GSTCD: variants seen among roughly 807,000 people sequenced by gnomAD.
The protein encoded by GSTCD is glutathione S-transferase C-terminal domain-containing protein.
In GSTCD, 44 loss-of-function variants were observed where a neutral mutation model predicts 68.3. The observed-to-expected ratio is 0.64, with a 90% CI of 0.51 to 0.83. The LOEUF (loss-of-function observed/expected upper bound fraction) is 0.83, where lower values mean the gene tolerates loss of function less well. GSTCD is among the 40% of genes least tolerant of loss of function. The pLI is 0.00. For missense variants in GSTCD, 739 were observed against 735.9 expected, an observed-to-expected ratio of 1.00 and a Z score of -0.05; for synonymous variants, 273 against 255.2, an observed-to-expected ratio of 1.07 and a Z score of -0.67.
intron 5 of GSTCD, among the ~76,000 whole-genome samples, chr4:105,810,252 T>C (rs1275695407): frequency 2.0e-5 from 3 of 152,120 alleles, no homozygotes; most frequent in Admixed American, 6.6e-5. Flanking sequence ...TTTTTTCTTC[T>C]ATTTATTTGG....
At chr4:105,841,525 A>G (rs761227746) in intron 10 of GSTCD, among the ~76,000 whole-genome samples, 42 of 152,208 alleles carry the variant, frequency 2.8e-4, no homozygotes, top group African/African-American at 8.2e-4. Flanking sequence ...TTTTCTGTGC[A>G]TCTATTCTTA....
chr4:105,819,947 A>G (rs1723198522), intron 5 of GSTCD, among the ~76,000 whole-genome samples: 1 of 151,820 alleles, frequency 6.6e-6, no homozygotes, highest in Non-Finnish European at 1.5e-5. Flanking sequence ...AAAACAAAAC[A>G]GCAAAAGAAT....
intron 5 of GSTCD, among the ~76,000 whole-genome samples, chr4:105,793,419 TA>T (rs1553963380): frequency 6.6e-5 from 10 of 150,640 alleles, no homozygotes; most frequent in Admixed American, 2.0e-4. Context: ...TTTTTTTTTT[TA>T]AAAAAAATCT....
intron 5 of GSTCD, among the ~76,000 whole-genome samples, chr4:105,804,396 G>A (rs1321969083): frequency 6.6e-6 from 1 of 152,066 alleles, no homozygotes; most frequent in African/African-American, 2.4e-5. Flanking sequence ...CTTTGGGTTA[G>A]TGAAGAGTAA....
At chr4:105,816,543 C>T (rs1286389896) in intron 5 of GSTCD, among the ~76,000 whole-genome samples, 1 of 152,022 alleles carries the variant, frequency 6.6e-6, no homozygotes, top group African/African-American at 2.4e-5. Context: ...GATAAGTCTG[C>T]TCTTGAAAAT....
At chr4:105,745,407 A>C (rs913087172) in intron 5 of GSTCD, among the ~76,000 whole-genome samples, 2 of 152,244 alleles carry the variant, frequency 1.3e-5, no homozygotes, top group Admixed American at 6.5e-5. Flanking sequence ...AATACTCAGT[A>C]GTAGGATAGT....
rs780232815 is a variant in GSTCD at position 105,809,736 on chromosome 4, G to A, written c.1241-13218G>A. The stretch of plus-strand genomic sequence containing the variant: ...AAATTCTTAGTATTCTATTAATGAC[G>A]ACAAGTAAAGACAGGTTGGTTTTTT... On this transcript the variant is annotated intron_variant, in intron 5 of 11. Transcript: ENST00000515279. Among the ~76,000 whole-genome samples, 62 of 150,878 alleles carry A rather than the reference G, an allele frequency of 4.1e-4. 1 individual carries two copies. Among genetic ancestry groups the A allele is most frequent in the Middle Eastern group, 3.4e-3 (1 of 290 alleles).
At chr4:105,782,447 A>C (rs1231659071) in intron 5 of GSTCD, among the ~76,000 whole-genome samples, 1 of 152,152 alleles carries the variant, frequency 6.6e-6, no homozygotes, top group Non-Finnish European at 1.5e-5. Flanking sequence ...AGCCATGTTC[A>C]TGCCACTGCA....
chr4:105,717,850 G>A lies in GSTCD; in HGVS notation c.237G>A (p.Gln79=), dbSNP rs1732730689. ...TTGAAATACAGATTATTTCAAGGCA[G>A]GAGCTCCCACCAATAGTCCAAAATT... The part of the protein sequence containing the change: ...QDVEIQIISR[Q]ELPPIVQNCC... The change falls in exon 2 of 12, where the codon CAG becomes CAA. Residue 79 remains glutamine (Q), a synonymous_variant. Coordinates refer to ENST00000515279, the MANE Select transcript of GSTCD (RefSeq NM_001370181.1). 1.2e-6 allele frequency: 2 copies of A among 1,614,096 alleles called. No homozygotes were observed. The highest frequency in any genetic ancestry group is 1.7e-6 in the Non-Finnish European group (2 of 1,179,980).
chr4:105,806,499 A>G (rs904586502), intron 5 of GSTCD, among the ~76,000 whole-genome samples: 6 of 151,956 alleles, frequency 3.9e-5, no homozygotes, highest in Admixed American at 6.6e-5. Context: ...CTGTTTCCCT[A>G]CTCTGAACCT....
chr4:105,816,970 G>A (rs1257935233), intron 5 of GSTCD, among the ~76,000 whole-genome samples: 3 of 151,928 alleles, frequency 2.0e-5, no homozygotes, highest in Admixed American at 1.3e-4. Flanking sequence ...TATCAAATAT[G>A]CAAGTGCTTA....
intron 5 of GSTCD, among the ~76,000 whole-genome samples, chr4:105,781,031 A>C (rs910651454): frequency 9.9e-5 from 15 of 152,178 alleles, no homozygotes; most frequent in South Asian, 2.1e-4. Context: ...CCAAGCCTTA[A>C]ATTTCTTAGC....
At chr4:105,736,066 T>A (rs1257879967) in intron 5 of GSTCD, among the ~76,000 whole-genome samples, 2 of 152,184 alleles carry the variant, frequency 1.3e-5, no homozygotes, top group Non-Finnish European at 2.9e-5. Context: ...TATTTTTCTT[T>A]GCTGGAAATA....
chr4:105,710,965 A>G (rs1452546999), intron 1 of GSTCD: 1 of 152,184 alleles, frequency 6.6e-6, no homozygotes, highest in South Asian at 2.1e-4. Flanking sequence ...ACTTAACTGC[A>G]TCCCATATTA....
In GSTCD at chr4:105,827,607, A is replaced by C. The variant is rs1309319989; in HGVS notation, c.1530+1807A>C. ...AGGTAAATTAGACTAAATGCATCAGAGGTTCTAACTCCTGTGTTAAATGTG... is the reference window on the plus strand; with the variant it reads ...AGGTAAATTAGACTAAATGCATCAGCGGTTCTAACTCCTGTGTTAAATGTG... On this transcript the variant is annotated intron_variant, in intron 8 of 11. Coordinates refer to ENST00000515279, the MANE Select transcript of GSTCD (RefSeq NM_001370181.1). Among the ~76,000 whole-genome samples, 8 of 152,280 alleles carry C rather than the reference A, an allele frequency of 5.3e-5. No homozygotes were observed. The East Asian group carries it at 1.5e-3, about 29-fold the overall frequency.
intron 5 of GSTCD, among the ~76,000 whole-genome samples, chr4:105,797,755 T>C (rs968807596): frequency 4.0e-5 from 6 of 148,874 alleles, no homozygotes; most frequent in Admixed American, 1.4e-4. Context: ...TTACACACAA[T>C]AGAACTTTTT....
chr4:105,764,325 C>T (rs1734526038), intron 5 of GSTCD, among the ~76,000 whole-genome samples: 1 of 152,174 alleles, frequency 6.6e-6, no homozygotes, highest in Non-Finnish European at 1.5e-5. Context: ...TATACTACAT[C>T]TCTCCAGTTG....
At chr4:105,730,916 G>A (rs184084567) in intron 5 of GSTCD, among the ~76,000 whole-genome samples, 18 of 152,196 alleles carry the variant, frequency 1.2e-4, no homozygotes, top group Non-Finnish European at 2.4e-4. Flanking sequence ...AATAATTTTT[G>A]TATGGGGTGT....
chr4:105,788,392 T>C (rs1251099205), intron 5 of GSTCD, among the ~76,000 whole-genome samples: 1 of 152,080 alleles, frequency 6.6e-6, no homozygotes, highest in Non-Finnish European at 1.5e-5. Context: ...AAGCCCGTTT[T>C]CTCACTCTTG....
Sources: allele counts gnomAD v4.1 joint callset (sites outside exome capture counted in the v4.1 genomes callset), GRCh38; gene constraint gnomAD v4.1.1; transcripts MANE v1.5; gene names NCBI Gene and HGNC (gene_info 2026-07-23, HGNC 2026-07-21).